The following CACNA1E variants were observed in gnomAD, a reference collection of about 807,000 sequenced individuals.
CACNA1E encodes calcium voltage-gated channel subunit alpha1 E.
In CACNA1E, 40 loss-of-function variants were observed where a neutral mutation model predicts 259.2. That is an observed-to-expected ratio of 0.15 (90% CI 0.12 to 0.20). The LOEUF is 0.20. Ranked by LOEUF, CACNA1E falls within the 10% of genes least tolerant of loss-of-function variation. The probability of loss-of-function intolerance (pLI) is 1.00; values close to 1 mark genes in which losing one functional copy is unlikely to be tolerated. For missense variants in CACNA1E, 1,874 were observed against 3,040.1 expected (o/e 0.62, Z 9.02); for synonymous variants, 1,104 against 1,138.5 (o/e 0.97, Z 0.61).
intron 3 of CACNA1E, among the ~76,000 whole-genome samples, chr1:181,571,051 G>A (rs1279409469): frequency 6.6e-6 from 1 of 152,162 alleles, no homozygotes; most frequent in African/African-American, 2.4e-5. Flanking sequence ...GTTGAAATCT[G>A]TTTCTGTTGT....
intron 27 of CACNA1E, among the ~76,000 whole-genome samples, chr1:181,753,709 C>A (rs964090654): frequency 6.6e-6 from 1 of 152,194 alleles, no homozygotes; most frequent in Non-Finnish European, 1.5e-5. Flanking sequence ...GAATTCTCAT[C>A]ACCTCTGATA....
At chr1:181,502,360 A>G (rs1665323689) in intron 1 of CACNA1E, among the ~76,000 whole-genome samples, 1 of 152,136 alleles carries the variant, frequency 6.6e-6, no homozygotes, top group Admixed American at 6.5e-5. Flanking sequence ...GCTCCTCAGA[A>G]TCTCCAGGAA....
chr1:181,453,539 A>C lies in CACNA1E; in HGVS notation c.435-30205A>C, dbSNP rs368575564. 1.1e-3 allele frequency among the ~76,000 whole-genome samples: 160 copies of C among 152,320 alleles called. 1 individual carries two copies. Among genetic ancestry groups the C allele is most frequent in the African/African-American group, 3.8e-3 (156 of 41,570 alleles). ...GGAGGCAGGGAGGGGTGGATGGAGT[A>C]AGTGCTGAGGGTGGCCTGAAAATGG... On this transcript the variant is annotated intron_variant, in intron 2 of 11. Transcript: ENST00000524607.
intron 26 of CACNA1E, 165 bp from the exon 27 acceptor site, chr1:181,751,978 G>A (rs570821709): frequency 7.1e-5 from 50 of 700,986 alleles, no homozygotes; most frequent in African/African-American, 3.5e-4. Context: ...AGCATTTTTC[G>A]CAGGATGTCC....
intron 2 of CACNA1E, among the ~76,000 whole-genome samples, chr1:181,446,408 T>G (rs1033005144): frequency 1.6e-4 from 24 of 152,252 alleles, no homozygotes; most frequent in African/African-American, 5.8e-4. Flanking sequence ...TTATAGATTA[T>G]CTAATTAATA....
intron 34 of CACNA1E, among the ~76,000 whole-genome samples, chr1:181,766,317 GA>G (rs1473852793): frequency 6.6e-6 from 1 of 152,204 alleles, no homozygotes; most frequent in Admixed American, 6.5e-5. Flanking sequence ...CTCCCTGATA[GA>G]GGTAAATTTT....
At chr1:181,392,616 A>G (rs1656378721) in intron 1 of CACNA1E, among the ~76,000 whole-genome samples, 1 of 152,238 alleles carries the variant, frequency 6.6e-6, no homozygotes, top group Non-Finnish European at 1.5e-5. Context: ...ATTCAGTCCT[A>G]AAGATCAAGT....
At chr1:181,676,276 A>G (rs1249367927) in intron 7 of CACNA1E, among the ~76,000 whole-genome samples, 3 of 152,218 alleles carry the variant, frequency 2.0e-5, no homozygotes, top group Non-Finnish European at 4.4e-5. Context: ...TTTATTATTA[A>G]AAGTGTATTT....
chr1:181,628,096 G>A (rs1353266926), intron 6 of CACNA1E, among the ~76,000 whole-genome samples: 1 of 152,338 alleles, frequency 6.6e-6, no homozygotes. Context: ...TGGACTGTGT[G>A]TCTCTTGAGT....
intron 2 of CACNA1E, among the ~76,000 whole-genome samples, chr1:181,453,994 C>T (rs1379927076): frequency 6.6e-6 from 1 of 152,212 alleles, no homozygotes; most frequent in Non-Finnish European, 1.5e-5. Flanking sequence ...TGCTTAACTT[C>T]TCTTGCCTCA....
At position 181,416,619 on chromosome 1, in the gene CACNA1E, A is replaced by G. The variant is rs1229951931; in HGVS notation, c.434+3039A>G. 2.0e-5 allele frequency among the ~76,000 whole-genome samples: 3 copies of G among 152,246 alleles called. No homozygotes were observed. In the East Asian group the frequency reaches 5.8e-4, roughly 29 times the overall value. ...CTTATTTCTGCTGGAGCCTCCCCCC[A>G]GGAATGCGGCTTGCTCTGCAGCTGC... is the stretch of plus-strand genomic sequence containing the variant. On this transcript the variant is annotated intron_variant, in intron 2 of 11. Transcript: ENST00000524607.
chr1:181,745,885 T>A (rs2102629985), intron 25 of CACNA1E, among the ~76,000 whole-genome samples: 1 of 152,358 alleles, frequency 6.6e-6, no homozygotes, highest in South Asian at 2.1e-4. Context: ...TCTCTCCTGC[T>A]GCTTCTCAGT....
chr1:181,419,571 A>G (rs540733436), intron 2 of CACNA1E, among the ~76,000 whole-genome samples: 1 of 152,214 alleles, frequency 6.6e-6, no homozygotes, highest in Non-Finnish European at 1.5e-5. Context: ...ACACACATAC[A>G]TACAAGCACA....
chr1:181,694,907 C>T (rs1454010672), intron 7 of CACNA1E, among the ~76,000 whole-genome samples: 2 of 151,966 alleles, frequency 1.3e-5, no homozygotes, highest in African/African-American at 2.4e-5. Context: ...ATAAAGGGTA[C>T]ATAAATTGGA....
At chr1:181,566,897 A>C (rs1190957251) in intron 3 of CACNA1E, among the ~76,000 whole-genome samples, 1 of 146,382 alleles carries the variant, frequency 6.8e-6, no homozygotes, top group East Asian at 2.2e-4. Flanking sequence ...GTTGGTTGTC[A>C]TTGCTGGGTG....
rs1477260286 is a variant in CACNA1E, at chr1:181,805,170, G to A, written c.*6336G>A. 1 of 152,092 alleles carries A rather than the reference G, an allele frequency of 6.6e-6. No individual in the cohort carries two copies. The highest frequency in any genetic ancestry group is 1.5e-5 in the Non-Finnish European group (1 of 68,018). The allele number at this position is 152,092 out of a possible 1,614,324, so 9.4% of individuals were successfully genotyped here. On this transcript the variant is annotated 3_prime_UTR_variant, in exon 48 of 48. Coordinates refer to ENST00000367573, the MANE Select transcript of CACNA1E (RefSeq NM_001205293.3). ...CAACCAGACCCTAGACTTTATACCA[G>A]GCTGTGCCACTTCCTCTTCACTTCA...
At chr1:181,751,796 G>A (rs946128051) in intron 26 of CACNA1E, among the ~76,000 whole-genome samples, 3 of 152,180 alleles carry the variant, frequency 2.0e-5, no homozygotes, top group Non-Finnish European at 2.9e-5. Flanking sequence ...TGCCAGTGTG[G>A]TAATCAGCAG....
intron 6 of CACNA1E, among the ~76,000 whole-genome samples, chr1:181,608,017 A>C (rs1449058865): frequency 6.6e-6 from 1 of 152,190 alleles, no homozygotes; most frequent in South Asian, 2.1e-4. Flanking sequence ...AGGTGAGGAA[A>C]TGAGGTTGTT....
upstream of CACNA1E, among the ~76,000 whole-genome samples, chr1:181,478,922 A>T (rs1334854008): frequency 6.6e-6 from 1 of 152,238 alleles, no homozygotes; most frequent in Non-Finnish European, 1.5e-5. Context: ...GGCTGGAGGG[A>T]CTACCTACCA....
Sources: allele counts gnomAD v4.1 joint callset (sites outside exome capture counted in the v4.1 genomes callset), GRCh38; gene constraint gnomAD v4.1.1; transcripts MANE v1.5; gene names NCBI Gene and HGNC (gene_info 2026-07-23, HGNC 2026-07-21).